FRMD6: variants seen among roughly 807,000 people sequenced by gnomAD.
FRMD6 encodes FERM domain-containing protein 6.
FRMD6 carries 37 observed loss-of-function variants against 73.2 expected under a neutral mutation model. The observed-to-expected ratio is 0.51, with a 90% CI of 0.39 to 0.66. The LOEUF is 0.66. FRMD6 is among the 30% of genes least tolerant of loss of function. The pLI is 0.00. For synonymous variants in FRMD6, 273 were observed against 282.2 expected (o/e 0.97, Z 0.33); for missense variants, 714 against 780.5 (o/e 0.91, Z 1.02).
chr14:51,483,841 T>C, the FRMD6 span, among the ~76,000 whole-genome samples: 1 of 152,098 alleles, frequency 6.6e-6, no homozygotes, highest in South Asian at 2.1e-4. Flanking sequence ...TTATGTAGAG[T>C]GTATTGTTTG....
intron 1 of FRMD6, among the ~76,000 whole-genome samples, chr14:51,654,343 C>G (rs1382699331): frequency 2.7e-5 from 4 of 148,806 alleles, no homozygotes; most frequent in Admixed American, 2.0e-4. Context: ...GATTTTGTTT[C>G]CACATTTAAC....
At chr14:51,697,759 CAATT>C (rs1358975195) in intron 2 of FRMD6, among the ~76,000 whole-genome samples, 1 of 151,744 alleles carries the variant, frequency 6.6e-6, no homozygotes, top group African/African-American at 2.4e-5. Flanking sequence ...TTTTATTAGT[CAATT>C]AAAAAAACAA....
intron 1 of FRMD6, among the ~76,000 whole-genome samples, chr14:51,539,631 A>G (rs1235926889): frequency 2.0e-5 from 3 of 152,172 alleles, no homozygotes; most frequent in Non-Finnish European, 4.4e-5. Flanking sequence ...ATTACATTCC[A>G]GAATGGAATG....
chr14:51,514,267 T>C (rs1884491110), intron 1 of FRMD6, among the ~76,000 whole-genome samples: 1 of 152,114 alleles, frequency 6.6e-6, no homozygotes, highest in African/African-American at 2.4e-5. Flanking sequence ...AAAGTGATTC[T>C]TCTCAATAAT....
At chr14:51,446,441 T>C in the FRMD6 span, among the ~76,000 whole-genome samples, 236 of 11,322 alleles carry the variant, frequency 0.021, 2 homozygotes, top group African/African-American at 0.1. Context: ...TTCTCTCTTG[T>C]GTAGACACAC....
the FRMD6 span, among the ~76,000 whole-genome samples, chr14:51,408,439 C>T: frequency 6.6e-6 from 1 of 152,074 alleles, no homozygotes; most frequent in African/African-American, 2.4e-5. Flanking sequence ...TATTACATAA[C>T]TCTTAACTTC....
intron 1 of FRMD6, among the ~76,000 whole-genome samples, chr14:51,656,580 A>G (rs1451489120): frequency 6.6e-6 from 1 of 151,836 alleles, no homozygotes; most frequent in Admixed American, 6.6e-5. Flanking sequence ...CGCCCATCTA[A>G]TTTTTGTATT....
chr14:51,424,692 G>A, the FRMD6 span, among the ~76,000 whole-genome samples: 3 of 152,178 alleles, frequency 2.0e-5, no homozygotes, highest in African/African-American at 4.8e-5. Flanking sequence ...CTGAAACAGC[G>A]TTCCAAAGAG....
intron 1 of FRMD6, among the ~76,000 whole-genome samples, chr14:51,560,791 CTT>C (rs1035675773): frequency 6.6e-6 from 1 of 152,206 alleles, no homozygotes; most frequent in Non-Finnish European, 1.5e-5. Flanking sequence ...GCTGATCTCA[CTT>C]TTTTTAGTTA....
At chr14:51,678,387 T>C (rs4243577) in intron 1 of FRMD6, among the ~76,000 whole-genome samples, 145,722 of 152,232 alleles carry the variant, frequency 0.96, 69,866 homozygotes, top group Middle Eastern at 0.98. Context: ...TTTGCAGAAA[T>C]TATTTTGTGG....
At chr14:51,405,867 G>T in the FRMD6 span, among the ~76,000 whole-genome samples, 4 of 152,160 alleles carry the variant, frequency 2.6e-5, no homozygotes, top group East Asian at 7.7e-4. Context: ...TCTTGCTTTT[G>T]TTGTGATTGT....
At chr14:51,711,491 A>G in intron 7 of FRMD6, 40 bp from the exon 8 acceptor site, 1 of 1,374,620 alleles carries the variant, frequency 7.3e-7, no homozygotes, top group Non-Finnish European at 1.0e-6. Flanking sequence ...GAAAAAATAT[A>G]TAAAAACATT....
At chr14:51,452,740 A>C in the FRMD6 span, among the ~76,000 whole-genome samples, 1 of 152,246 alleles carries the variant, frequency 6.6e-6, no homozygotes, top group Non-Finnish European at 1.5e-5. Flanking sequence ...TCTAGAAAGA[A>C]GGGCCAGTGG....
intron 2 of FRMD6, among the ~76,000 whole-genome samples, chr14:51,606,689 A>G (rs1488399511): frequency 1.3e-5 from 2 of 152,160 alleles, no homozygotes; most frequent in East Asian, 3.9e-4. Flanking sequence ...AGGGAGAGAT[A>G]TGAGAGGGAA....
chr14:51,690,022 C>A, intron 2 of FRMD6, 87 bp downstream of exon 2: 1 of 877,238 alleles, frequency 1.1e-6, no homozygotes, highest in Non-Finnish European at 1.9e-6. Flanking sequence ...AGGGTGAAAT[C>A]TTTACAGAAT....
chr14:51,606,387 A>C (rs531208394), intron 2 of FRMD6, among the ~76,000 whole-genome samples: 4 of 152,334 alleles, frequency 2.6e-5, no homozygotes, highest in Non-Finnish European at 5.9e-5. Flanking sequence ...TATGTGAGAC[A>C]CATGCACATC....
intron 1 of FRMD6, among the ~76,000 whole-genome samples, chr14:51,657,723 C>T (rs961407805): frequency 1.3e-5 from 2 of 151,952 alleles, no homozygotes; most frequent in Non-Finnish European, 2.9e-5. Context: ...GAAAAAGTAA[C>T]GTTAGAGGTA....
chr14:51,650,403 T>TGC (rs1892285507), upstream of FRMD6: 1 of 147,450 alleles, frequency 6.8e-6, no homozygotes, highest in Non-Finnish European at 1.5e-5. Flanking sequence ...TTTTTTTTTT[T>TGC]TTTTTTTTTT....
Position 51,728,073 on chromosome 14 carries a change from G to A in FRMD6, c.*44G>A, listed in dbSNP as rs1898085285. ...TGTACAGGCAGCTTACTGTTTGCTA[G>A]AGGATGCGAAAGTCATAAGTTCTTT... is the stretch of plus-strand genomic sequence containing the variant. On this transcript the variant is annotated 3_prime_UTR_variant, in exon 14 of 14. Coordinates refer to ENST00000344768, the MANE Select transcript of FRMD6 (RefSeq NM_001267046.2). 2 of 1,557,780 alleles carry A rather than the reference G, an allele frequency of 1.3e-6. No homozygotes were observed. The highest frequency in any genetic ancestry group is 1.7e-6 in the Non-Finnish European group (2 of 1,145,680).
Sources: gnomAD v4.1 joint callset for allele counts (sites outside exome capture counted in the v4.1 genomes callset) on GRCh38, gnomAD v4.1.1 for gene constraint, MANE v1.5 for transcripts, NCBI Gene and HGNC (gene_info 2026-07-23, HGNC 2026-07-21) for gene names.